EPS15: variants seen among roughly 807,000 people sequenced by gnomAD.
The protein encoded by EPS15 is epidermal growth factor receptor pathway substrate 15.
EPS15 carries 72 observed loss-of-function variants against 113.8 expected under a neutral mutation model. That is an observed-to-expected ratio of 0.63 (90% CI 0.52 to 0.77). EPS15 has a LOEUF of 0.77. Ranked by LOEUF, EPS15 falls within the 30% of genes least tolerant of loss-of-function variation. The probability of loss-of-function intolerance (pLI) is 0.00; values close to 1 mark genes in which losing one functional copy is unlikely to be tolerated. For synonymous variants in EPS15, 344 were observed against 363.4 expected, an observed-to-expected ratio of 0.95 and a Z score of 0.61; for missense variants, 1,048 against 1,045.8, an observed-to-expected ratio of 1.00 and a Z score of -0.03.
chr1:51,418,744 G>C (rs1650480065), intron 13 of EPS15, among the ~76,000 whole-genome samples: 1 of 152,162 alleles, frequency 6.6e-6, no homozygotes, highest in African/African-American at 2.4e-5. Context: ...CAATCACTCT[G>C]TGAGGCACTT....
chr1:51,377,584 C>A (rs1385590337), intron 21 of EPS15, among the ~76,000 whole-genome samples: 5 of 152,098 alleles, frequency 3.3e-5, no homozygotes, highest in Non-Finnish European at 7.4e-5. Flanking sequence ...AAAATGAGAA[C>A]AATGGATTTA....
intron 2 of EPS15, among the ~76,000 whole-genome samples, chr1:51,473,717 A>T (rs1209056936): frequency 6.6e-6 from 1 of 152,220 alleles, no homozygotes; most frequent in East Asian, 1.9e-4. Flanking sequence ...ACAGGATAAT[A>T]GTATATTTGT....
chr1:51,366,627 C>T (rs1646513939), intron 21 of EPS15, among the ~76,000 whole-genome samples: 1 of 152,112 alleles, frequency 6.6e-6, no homozygotes, highest in Admixed American at 6.5e-5. Context: ...GGCTTTGGAA[C>T]ACATTTCAAA....
chr1:51,372,461 T>C (rs569348584), intron 21 of EPS15: 2 of 533,954 alleles, frequency 3.7e-6, no homozygotes, highest in Admixed American at 3.9e-5. Context: ...AAAATCATTC[T>C]GTCTGGTTTT....
intron 13 of EPS15, among the ~76,000 whole-genome samples, chr1:51,412,413 C>A (rs1184596880): frequency 6.6e-6 from 1 of 152,088 alleles, no homozygotes. Context: ...TTTCTGATTC[C>A]TTTGACAAAA....
At chr1:51,418,665 T>C (rs1424028424) in intron 13 of EPS15, among the ~76,000 whole-genome samples, 1 of 152,068 alleles carries the variant, frequency 6.6e-6, no homozygotes, top group African/African-American at 2.4e-5. Context: ...GAGAAGATAA[T>C]AAAGAGATGA....
At chr1:51,442,502 A>C in intron 11 of EPS15, among the ~76,000 whole-genome samples, 1 of 152,156 alleles carries the variant, frequency 6.6e-6, no homozygotes, top group East Asian at 1.9e-4. Context: ...GATACTGAAA[A>C]AAGTTTAGTT....
In EPS15 at chr1:51,461,169, G is replaced by T. The variant is rs753161659; in HGVS notation, c.502-19C>A. The T allele has an allele frequency of 9.8e-6, 15 of 1,532,774 alleles. No homozygotes were observed. The South Asian group carries it at 1.7e-4, about 17-fold the overall frequency. 94.9% of individuals were successfully genotyped at this position (1,532,774 alleles called of 1,614,324 possible). A position where few individuals can be genotyped will look rare whatever the true frequency, so the allele number is the denominator to read the frequency against. On this transcript the variant is annotated intron_variant, in intron 7 of 24. Coordinates refer to ENST00000371733, the MANE Select transcript of EPS15 (RefSeq NM_001981.3). ...CCCAAACCTTAAAAAGAGAATAATT[G>T]AAAAAAGATTAATGTTCTTTCAGTT...
rs1646495598 is a variant in EPS15, at chr1:51,365,831, T to G, written c.2196+122A>C. 5 of 581,858 alleles carry G rather than the reference T, an allele frequency of 8.6e-6. No homozygotes were observed. In the Admixed American group the frequency reaches 1.7e-4, roughly 20 times the overall value. 36.0% of individuals were successfully genotyped at this position (581,858 alleles called of 1,614,324 possible). Reference sequence around the variant, plus strand: ...CTTTCATTTCTATCTGAAATCAACATTTGCTGTGATTTACTGAAATCAAGT... The same window carrying G: ...CTTTCATTTCTATCTGAAATCAACAGTTGCTGTGATTTACTGAAATCAAGT... On this transcript the variant is annotated intron_variant, in intron 22 of 24. Transcript: ENST00000371733.
At chr1:51,414,520 T>C (rs1178246710) in intron 13 of EPS15, among the ~76,000 whole-genome samples, 2 of 152,208 alleles carry the variant, frequency 1.3e-5, no homozygotes, top group Non-Finnish European at 2.9e-5. Flanking sequence ...CCCAAAAGCA[T>C]GTTTTAAATC....
chr1:51,453,682 T>C (rs1653753441), intron 8 of EPS15, among the ~76,000 whole-genome samples: 1 of 152,158 alleles, frequency 6.6e-6, no homozygotes, highest in South Asian at 2.1e-4. Context: ...ATAATAAAAG[T>C]ATCAAACTCC....
At chr1:51,518,881 G>A (rs1338626607) in intron 1 of EPS15, among the ~76,000 whole-genome samples, 4 of 151,670 alleles carry the variant, frequency 2.6e-5, no homozygotes, top group Admixed American at 2.6e-4. Flanking sequence ...TGCCCCGCGG[G>A]AGCCGGCCCG....
intron 21 of EPS15, among the ~76,000 whole-genome samples, chr1:51,376,159 T>A (rs908193910): frequency 1.3e-5 from 2 of 152,248 alleles, no homozygotes; most frequent in Non-Finnish European, 2.9e-5. Context: ...GAGTCTCCTA[T>A]GGGGCTAATG....
At position 51,447,057 on chromosome 1, in the gene EPS15, T is replaced by C. The variant is rs1439341470; in HGVS notation, c.700A>G (p.Lys234Glu). 7 of 1,613,578 alleles carry C rather than the reference T, an allele frequency of 4.3e-6. No homozygotes were observed. The highest frequency in any genetic ancestry group is 1.3e-5 in the African/African-American group (1 of 74,896). ...AATCCGTCCATATCTTTATCAGTTT[T>C]CAGGAAGATTTCATCATATTTAGCT... Reference protein sequence around the residue: ...EKAKYDEIFLKTDKDMDGFVS... With the variant: ...EKAKYDEIFLETDKDMDGFVS... Residue 234 changes from lysine to glutamate, a missense_variant, in exon 10 of 25, where the codon AAA (lysine) becomes GAA (glutamate). Lys to Glu is a moderately conservative substitution (Grantham distance 56). Coordinates refer to ENST00000371733, the MANE Select transcript of EPS15 (RefSeq NM_001981.3).
At chr1:51,493,926 C>G (rs1644285891) in intron 1 of EPS15, among the ~76,000 whole-genome samples, 1 of 152,032 alleles carries the variant, frequency 6.6e-6, no homozygotes, top group South Asian at 2.1e-4. Context: ...AGGCTCTTAA[C>G]TTTCAACTAA....
intron 1 of EPS15, among the ~76,000 whole-genome samples, chr1:51,508,356 G>GA (rs1427792842): frequency 7.1e-6 from 1 of 141,198 alleles, no homozygotes; most frequent in Non-Finnish European, 1.6e-5. Flanking sequence ...AAGAAAGAAA[G>GA]AAAGAAAGAA....
At chr1:51,409,424 T>C (rs1364906890) in intron 14 of EPS15, 111 bp downstream of exon 14, 1 of 1,012,308 alleles carries the variant, frequency 9.9e-7, no homozygotes, top group Non-Finnish European at 1.4e-6. Flanking sequence ...AAATGCTGAC[T>C]GGATTGCCAA....
At chr1:51,385,000 G>C (rs72694163) in intron 21 of EPS15, among the ~76,000 whole-genome samples, 3,339 of 152,240 alleles carry the variant, frequency 0.022, 32 homozygotes, top group Middle Eastern at 0.034. Flanking sequence ...ACTTATCGGG[G>C]AAATGCTTCC....
intron 24 of EPS15, among the ~76,000 whole-genome samples, chr1:51,359,222 C>T (rs1056940563): frequency 2.0e-5 from 3 of 151,684 alleles, no homozygotes; most frequent in Middle Eastern, 3.4e-3. Flanking sequence ...AAGGCATGCA[C>T]ATTGCAAGAT....
Sources: allele counts gnomAD v4.1 joint callset (sites outside exome capture counted in the v4.1 genomes callset), GRCh38; gene constraint gnomAD v4.1.1; transcripts MANE v1.5; gene names NCBI Gene and HGNC (gene_info 2026-07-23, HGNC 2026-07-21).